The following SOAT1 variants were observed in gnomAD, a reference collection of about 807,000 sequenced individuals.
The protein encoded by SOAT1 is sterol O-acyltransferase 1.
SOAT1 carries 55 observed loss-of-function variants against 69.5 expected under a neutral mutation model. That is an observed-to-expected ratio of 0.79 (90% CI 0.64 to 0.99). The LOEUF is 0.99. Ranked by LOEUF, SOAT1 falls within the 50% of genes least tolerant of loss-of-function variation. SOAT1 has a pLI of 0.00. For synonymous variants in SOAT1, 231 were observed against 224.7 expected, an observed-to-expected ratio of 1.03 and a Z score of -0.25; for missense variants, 580 against 669.3, an observed-to-expected ratio of 0.87 and a Z score of 1.47.
At chr1:179,311,553 TAA>T (rs1413500321) in intron 2 of SOAT1, among the ~76,000 whole-genome samples, 2 of 151,404 alleles carry the variant, frequency 1.3e-5, no homozygotes, top group African/African-American at 4.9e-5. Context: ...TCATGAGGGT[TAA>T]GTGATCTTCA....
intron 3 of SOAT1, among the ~76,000 whole-genome samples, chr1:179,329,821 ATTGTG>A (rs1337715729): frequency 6.6e-6 from 1 of 152,124 alleles, no homozygotes; most frequent in Non-Finnish European, 1.5e-5. Flanking sequence ...TCCTGTGATT[ATTGTG>A]TAAGTTAAGA....
chr1:179,322,288 G>T (rs187235206), intron 2 of SOAT1, among the ~76,000 whole-genome samples: 92 of 152,108 alleles, frequency 6.0e-4, no homozygotes, highest in African/African-American at 2.0e-3. Flanking sequence ...TAGTTTTTCA[G>T]ATCTGCATCT....
chr1:179,349,397 G>A (rs1052158413), intron 13 of SOAT1, among the ~76,000 whole-genome samples: 3 of 146,194 alleles, frequency 2.1e-5, no homozygotes, highest in Admixed American at 7.1e-5. Context: ...GCATGTTGTC[G>A]GCTCACTGCA....
chr1:179,323,045 C>CTTTTTTTTTTTTTTTTTTTTT (rs36045111), intron 2 of SOAT1, among the ~76,000 whole-genome samples: 6 of 126,728 alleles, frequency 4.7e-5, no homozygotes, highest in Non-Finnish European at 6.5e-5. Context: ...TCTTTTCTTT[C>CTTTTTTTTTTTTTTTTTTTTT]TTTTTTTTTT....
intron 2 of SOAT1, among the ~76,000 whole-genome samples, chr1:179,316,930 A>G (rs757291827): frequency 1.2e-4 from 18 of 152,224 alleles, no homozygotes; most frequent in Non-Finnish European, 2.4e-4. Flanking sequence ...AAACAGAGTA[A>G]TAGGGCAGTG....
chr1:179,344,352 G>GTT lies in SOAT1; in HGVS notation c.988-595_988-594insTT, dbSNP rs762911049. Among the ~76,000 whole-genome samples the GTT allele has an allele frequency of 1.1e-3, 131 of 120,542 alleles. 35 individuals are homozygous for GTT. Among genetic ancestry groups the GTT allele is most frequent in the South Asian group, 4.6e-3 (16 of 3,498 alleles). The allele number at this position is 120,542 out of a possible 152,430, so 79.1% of individuals were successfully genotyped here. A position where few individuals can be genotyped will look rare whatever the true frequency, so the allele number is the denominator to read the frequency against. ...TATGAAGTAAGTTCTTTCATTAAGG[G>GTT]GTTTTTTTTTTTTTTTTTTTTTTTT... On this transcript the variant is annotated intron_variant, in intron 10 of 15. Transcript: ENST00000367619.
chr1:179,335,727 G>A (rs1055271437), intron 4 of SOAT1, 70 bp downstream of exon 4: 11 of 1,426,374 alleles, frequency 7.7e-6, no homozygotes, highest in African/African-American at 4.3e-5. Context: ...AATGGACTGC[G>A]GCAAATATGC....
Position 179,347,688 on chromosome 1 carries a change from G to A in SOAT1, c.1206G>A (p.Met402Ile). The A allele has an allele frequency of 6.2e-7, 1 of 1,600,094 alleles. No individual in the cohort carries two copies. Among genetic ancestry groups the A allele is most frequent in the Non-Finnish European group, 8.6e-7 (1 of 1,167,774 alleles). Residue 402 changes from methionine to isoleucine, a missense_variant, in exon 12 of 16, where the codon ATG becomes ATA. By Grantham distance (10) the Met-to-Ile change is conservative (BLOSUM62 1). Transcript: ENST00000367619. ...FAEMLRFGDRMFYKDWWNSTS... is the reference protein window; with the variant it reads ...FAEMLRFGDRIFYKDWWNSTS... ...AGATGTTACGCTTTGGTGACAGGAT[G>A]TTCTATAAGGTAGTATATACTTAGA... is the stretch of plus-strand genomic sequence containing the variant.
chr1:179,308,215 C>CTACCAGA (rs1665084418), intron 2 of SOAT1, among the ~76,000 whole-genome samples: 1 of 152,108 alleles, frequency 6.6e-6, no homozygotes, highest in South Asian at 2.1e-4. Flanking sequence ...TCTAATATTC[C>CTACCAGA]TACCAGAAAT....
chr1:179,337,898 T>G lies in SOAT1; in HGVS notation c.389+2T>G, dbSNP rs377633974. The stretch of plus-strand genomic sequence containing the variant: ...TATTGCAAGGCGCTCTCTCTTAGAG[T>G]GAGTATTTTTAGTTGTTTTTAAATA... On this transcript the variant is annotated splice_donor_variant, in intron 5 of 15. Coordinates refer to ENST00000367619, the MANE Select transcript of SOAT1 (RefSeq NM_003101.6). LOFTEE classifies it high-confidence loss of function. The G allele has an allele frequency of 6.3e-7, 1 of 1,585,530 alleles. No individual in the cohort carries two copies. The highest frequency in any genetic ancestry group is 1.8e-5 in the Admixed American group (1 of 55,844).
chr1:179,335,688 A>G, intron 4 of SOAT1, 31 bp downstream of exon 4: 2 of 1,599,424 alleles, frequency 1.3e-6, no homozygotes, highest in Non-Finnish European at 1.7e-6. Context: ...TTTAATGCAA[A>G]CATCTACTCA....
In SOAT1 at chr1:179,344,352, G is replaced by GTTTTTTTTTTTTTTTTTTTTTT. The variant is rs762911049; in HGVS notation, c.988-595_988-594insTTTTTTTTTTTTTTTTTTTTTT. 1.7e-5 allele frequency among the ~76,000 whole-genome samples: 2 copies of GTTTTTTTTTTTTTTTTTTTTTT among 120,560 alleles called. 1 individual carries two copies. Among genetic ancestry groups the GTTTTTTTTTTTTTTTTTTTTTT allele is most frequent in the Non-Finnish European group, 3.5e-5 (2 of 57,124 alleles). The allele number at this position is 120,560 out of a possible 152,430, so 79.1% of individuals were successfully genotyped here. Reference sequence around the variant, plus strand: ...TATGAAGTAAGTTCTTTCATTAAGGGGTTTTTTTTTTTTTTTTTTTTTTTT... The same window carrying GTTTTTTTTTTTTTTTTTTTTTT: ...TATGAAGTAAGTTCTTTCATTAAGGGTTTTTTTTTTTTTTTTTTTTTTGTTTTTTTTTTTTTTTTTTTTTTTT... On this transcript the variant is annotated intron_variant, in intron 10 of 15. Coordinates refer to ENST00000367619, the MANE Select transcript of SOAT1 (RefSeq NM_003101.6).
chr1:179,300,512 ATTTG>A (rs935805441), intron 1 of SOAT1, among the ~76,000 whole-genome samples: 4 of 152,092 alleles, frequency 2.6e-5, no homozygotes, highest in African/African-American at 7.2e-5. Context: ...CAATTGTTTC[ATTTG>A]TTTGATTTCA....
At chr1:179,300,316 CTCA>C (rs972548375) in intron 1 of SOAT1, among the ~76,000 whole-genome samples, 3 of 152,134 alleles carry the variant, frequency 2.0e-5, no homozygotes, top group African/African-American at 7.2e-5. Flanking sequence ...TCTTACTTCT[CTCA>C]TCATTTCTGA....
chr1:179,306,688 C>T (rs866111134), intron 2 of SOAT1, among the ~76,000 whole-genome samples: 34 of 151,876 alleles, frequency 2.2e-4, no homozygotes, highest in African/African-American at 5.8e-4. Flanking sequence ...AAAAATTAGC[C>T]GGGTGCGGTG....
At chr1:179,334,406 A>G (rs1348822457) in intron 3 of SOAT1, among the ~76,000 whole-genome samples, 2 of 152,192 alleles carry the variant, frequency 1.3e-5, no homozygotes, top group African/African-American at 2.4e-5. Flanking sequence ...CAAGGAATAT[A>G]GTGACTTAGG....
chr1:179,337,064 C>T (rs915855502), intron 4 of SOAT1, among the ~76,000 whole-genome samples: 5 of 151,752 alleles, frequency 3.3e-5, no homozygotes, highest in Admixed American at 1.3e-4. Context: ...AAGTACAATG[C>T]GATTAGTATA....
At chr1:179,326,919 A>G (rs921188342) in intron 3 of SOAT1, among the ~76,000 whole-genome samples, 2 of 152,172 alleles carry the variant, frequency 1.3e-5, no homozygotes, top group African/African-American at 4.8e-5. Context: ...AAAGTTCAGG[A>G]TGGCATATAG....
intron 2 of SOAT1, among the ~76,000 whole-genome samples, chr1:179,323,066 CTG>C (rs1285029667): frequency 2.7e-5 from 3 of 113,172 alleles, no homozygotes; most frequent in Non-Finnish European, 5.5e-5. Flanking sequence ...TTTTTTGCCT[CTG>C]AATTTGTACT....
Sources: gnomAD v4.1 joint callset for allele counts (sites outside exome capture counted in the v4.1 genomes callset) on GRCh38, gnomAD v4.1.1 for gene constraint, MANE v1.5 for transcripts, NCBI Gene and HGNC (gene_info 2026-07-23, HGNC 2026-07-21) for gene names.